The following SWAP70 variants were observed in gnomAD, a reference collection of about 807,000 sequenced individuals.
SWAP70 encodes the protein switching B cell complex subunit SWAP70, also known as switch-associated protein 70.
SWAP70 carries 34 observed loss-of-function variants against 80.2 expected under a neutral mutation model. That is an observed-to-expected ratio of 0.42 (90% CI 0.32 to 0.56). SWAP70 has a LOEUF of 0.56. SWAP70 is among the 20% of genes least tolerant of loss of function. The pLI is 0.09. For synonymous variants in SWAP70, 239 were observed against 238.5 expected, an observed-to-expected ratio of 1.00 and a Z score of -0.02; for missense variants, 578 against 690.7, an observed-to-expected ratio of 0.84 and a Z score of 1.83.
At chr11:9,702,396 T>C (rs1182172770) in intron 2 of SWAP70, among the ~76,000 whole-genome samples, 1 of 143,374 alleles carries the variant, frequency 7.0e-6, no homozygotes. Context: ...AGTTACATAG[T>C]GTGGGTTTTG....
At chr11:9,675,322 AGAGAGAGAGAGAGAGAGAGGGAGC>A (rs1464111891) in intron 1 of SWAP70, among the ~76,000 whole-genome samples, 615 of 30,248 alleles carry the variant, frequency 0.02, 201 homozygotes, top group Non-Finnish European at 0.12. Context: ...AGAGGGAGCG[AGAGAGAGAGAGAGAGAGAGGGAGC>A]GAGAGAGAGA....
Position 9,672,195 on chromosome 11 carries a change from C to CTATGTATATATATATATATATATA in SWAP70, c.99+7920_99+7921insGTATATATATATATATATATATAT, listed in dbSNP as rs530619499. On this transcript the variant is annotated intron_variant, in intron 1 of 11. Transcript: ENST00000318950. ...TATATATATACATATATGTGTGTGT[C>CTATGTATATATATATATATATATA]TATATATATATATATATATATATAT... Among the ~76,000 whole-genome samples, 47 of 78,438 alleles carry CTATGTATATATATATATATATATA rather than the reference C, an allele frequency of 6.0e-4. 2 individuals carry two copies. Among genetic ancestry groups the CTATGTATATATATATATATATATA allele is most frequent in the Non-Finnish European group, 8.8e-4 (38 of 43,086 alleles). 51.5% of individuals were successfully genotyped at this position (78,438 alleles called of 152,430 possible).
intron 1 of SWAP70, among the ~76,000 whole-genome samples, chr11:9,691,149 C>A (rs1455453181): frequency 6.6e-6 from 1 of 152,190 alleles, no homozygotes; most frequent in Non-Finnish European, 1.5e-5. Context: ...AACTTCTGGG[C>A]TCTAGCTATC....
intron 1 of SWAP70, among the ~76,000 whole-genome samples, chr11:9,675,666 A>C (rs1368496223): frequency 6.6e-6 from 1 of 151,976 alleles, no homozygotes; most frequent in Non-Finnish European, 1.5e-5. Flanking sequence ...CCCTCTCCCC[A>C]AAAAGGGAAC....
chr11:9,720,818 A>G (rs200725756), intron 3 of SWAP70, among the ~76,000 whole-genome samples: 1 of 151,386 alleles, frequency 6.6e-6, no homozygotes, highest in East Asian at 1.9e-4. Flanking sequence ...ATCTCTTCTT[A>G]TTTTTTATTT....
rs578081105 is a variant in SWAP70 at position 9,679,871 on chromosome 11, A to G, written c.100-14275A>G. Among the ~76,000 whole-genome samples the G allele has an allele frequency of 4.6e-3, 697 of 152,124 alleles. 5 individuals carry two copies. Among genetic ancestry groups the G allele is most frequent in the African/African-American group, 0.016 (658 of 41,488 alleles). Reference sequence around the variant, plus strand: ...TTTTCAGTAGAGACAGGGTTTCACCATGTTAGCCAGGATGGTCTTGATCTC... The same window carrying G: ...TTTTCAGTAGAGACAGGGTTTCACCGTGTTAGCCAGGATGGTCTTGATCTC... On this transcript the variant is annotated intron_variant, in intron 1 of 11. Transcript: ENST00000318950.
chr11:9,749,210 T>C, intron 11 of SWAP70, 27 bp downstream of exon 11: 1 of 1,185,064 alleles, frequency 8.4e-7, no homozygotes, highest in Non-Finnish European at 1.1e-6. Flanking sequence ...AGTAATCATA[T>C]ATTTATTTTT....
intron 1 of SWAP70, among the ~76,000 whole-genome samples, chr11:9,688,746 T>C (rs1293709011): frequency 6.6e-6 from 1 of 151,940 alleles, no homozygotes; most frequent in East Asian, 1.9e-4. Flanking sequence ...AACAATGACT[T>C]TGAGATTTTT....
At chr11:9,744,024 G>A (rs532296456) in intron 9 of SWAP70, among the ~76,000 whole-genome samples, 126 of 150,608 alleles carry the variant, frequency 8.4e-4, no homozygotes, top group Non-Finnish European at 1.4e-3. Context: ...GTGTAGTGGC[G>A]TGATCTCGGC....
intron 9 of SWAP70, among the ~76,000 whole-genome samples, chr11:9,747,075 T>G (rs146403472): frequency 1.8e-3 from 279 of 152,348 alleles, no homozygotes; most frequent in African/African-American, 6.4e-3. Flanking sequence ...ATATACACTT[T>G]AATGCAGGTT....
At chr11:9,749,016 G>T (rs972411741) in intron 10 of SWAP70, 71 bp from the exon 11 acceptor site, 2 of 874,776 alleles carry the variant, frequency 2.3e-6, no homozygotes, top group Non-Finnish European at 1.8e-6. Flanking sequence ...CATAGTAAGG[G>T]CCCAATAGTT....
At chr11:9,681,989 T>G (rs563290856) in intron 1 of SWAP70, among the ~76,000 whole-genome samples, 20 of 152,220 alleles carry the variant, frequency 1.3e-4, no homozygotes, top group Non-Finnish European at 2.4e-4. Flanking sequence ...GGGAAATCAC[T>G]TCTCTTTGCT....
At chr11:9,673,882 A>G (rs1850451549) in intron 1 of SWAP70, among the ~76,000 whole-genome samples, 1 of 151,832 alleles carries the variant, frequency 6.6e-6, no homozygotes, top group Admixed American at 6.6e-5. Context: ...TTCTTTTTTC[A>G]TTGATTTATT....
chr11:9,721,417 T>C (rs446146), intron 3 of SWAP70, among the ~76,000 whole-genome samples: 53,633 of 151,290 alleles, frequency 0.35, 9,875 homozygotes, highest in African/African-American at 0.43. Flanking sequence ...AAAGAGCTTA[T>C]AGCATCTCAT....
chr11:9,745,106 G>GA (rs1167718168), intron 9 of SWAP70, among the ~76,000 whole-genome samples: 1 of 152,090 alleles, frequency 6.6e-6, no homozygotes, highest in African/African-American at 2.4e-5. Context: ...GGACCACATG[G>GA]AACAACAGTC....
In SWAP70 at chr11:9,750,193, T is replaced by G; in HGVS notation, c.*223T>G. ...TCTCTACTAAAAATACAAAAAAAAT[T>G]AGCTGAGCGTGGTGGCGGGCGCCTG... On this transcript the variant is annotated 3_prime_UTR_variant, in exon 12 of 12. Coordinates refer to ENST00000318950, the MANE Select transcript of SWAP70 (RefSeq NM_015055.4). The G allele has an allele frequency of 3.5e-6, 1 of 282,904 alleles. No homozygotes were observed. The highest frequency in any genetic ancestry group is 7.0e-6 in the Non-Finnish European group (1 of 143,406). The allele number at this position is 282,904 out of a possible 1,614,324, so 17.5% of individuals were successfully genotyped here.
chr11:9,666,694 T>A (rs2134410257), intron 1 of SWAP70, among the ~76,000 whole-genome samples: 1 of 151,760 alleles, frequency 6.6e-6, no homozygotes, highest in South Asian at 2.1e-4. Flanking sequence ...TTTTATTCTT[T>A]TTTTCCAGAT....
chr11:9,732,691 A>T lies in SWAP70; in HGVS notation c.1061A>T (p.Glu354Val). 6.4e-7 allele frequency: 1 copy of T among 1,552,614 alleles called. No homozygotes were observed. The highest frequency in any genetic ancestry group is 8.7e-7 in the Non-Finnish European group (1 of 1,148,420). Residue 354 changes from glutamate to valine, a missense_variant, in exon 7 of 12, where the codon GAG becomes GTG. Glu to Val is a moderately radical substitution (Grantham distance 121). Transcript: ENST00000318950. Reference sequence around the variant, plus strand: ...GCCGCCAACGAAAGCAAGCAGCAGGAGCTGGAGGCCGTGCGGAAGGTGGGA... The same window carrying T: ...GCCGCCAACGAAAGCAAGCAGCAGGTGCTGGAGGCCGTGCGGAAGGTGGGA... The part of the protein sequence containing the change: ...LQAANESKQQ[E>V]LEAVRKKLEE...
At chr11:9,682,430 A>G (rs1272704567) in intron 1 of SWAP70, among the ~76,000 whole-genome samples, 1 of 152,202 alleles carries the variant, frequency 6.6e-6, no homozygotes, top group Non-Finnish European at 1.5e-5. Flanking sequence ...TCTCATTTGG[A>G]TCTTTTGGAC....
Sources: gnomAD v4.1 joint callset for allele counts (sites outside exome capture counted in the v4.1 genomes callset) on GRCh38, gnomAD v4.1.1 for gene constraint, MANE v1.5 for transcripts, NCBI Gene and HGNC (gene_info 2026-07-23, HGNC 2026-07-21) for gene names.